The following CNTNAP2 variants were observed in gnomAD, a reference collection of about 807,000 sequenced individuals.
CNTNAP2 encodes contactin-associated protein-like 2.
A neutral mutation model predicts 155.2 loss-of-function variants in CNTNAP2; 98 were observed. The observed-to-expected ratio is 0.63, with a 90% CI of 0.54 to 0.75. CNTNAP2 has a LOEUF of 0.75. Among genes scored for constraint, CNTNAP2 ranks in the 30% least tolerant of loss-of-function variants. The pLI is 0.00. For missense variants in CNTNAP2, 1,727 were observed against 1,688.1 expected (o/e 1.02, Z -0.40); for synonymous variants, 651 against 631.2 (o/e 1.03, Z -0.47).
chr7:148,171,588 T>C (rs57068192), intron 17 of CNTNAP2, among the ~76,000 whole-genome samples: 53,919 of 151,956 alleles, frequency 0.35, 10,177 homozygotes, highest in African/African-American at 0.48. Flanking sequence ...TGAACGTGCT[T>C]ATTGTGCTAT....
At chr7:147,400,927 C>A (rs1796902837) in intron 10 of CNTNAP2, among the ~76,000 whole-genome samples, 1 of 152,110 alleles carries the variant, frequency 6.6e-6, no homozygotes, top group Non-Finnish European at 1.5e-5. Context: ...TTCCCTAGTC[C>A]CCACTTCTAA....
At chr7:146,752,574 T>C (rs1162688290) in intron 1 of CNTNAP2, among the ~76,000 whole-genome samples, 4 of 152,202 alleles carry the variant, frequency 2.6e-5, no homozygotes, top group Non-Finnish European at 5.9e-5. Flanking sequence ...AGGTTGCTGA[T>C]TCACTCTGAT....
intron 13 of CNTNAP2, among the ~76,000 whole-genome samples, chr7:147,772,413 A>G (rs2116537837): frequency 7.3e-6 from 1 of 137,068 alleles, no homozygotes; most frequent in South Asian, 2.3e-4. Flanking sequence ...AAAAAAATAT[A>G]TATATATAAT....
intron 3 of CNTNAP2, among the ~76,000 whole-genome samples, chr7:146,992,422 C>T (rs555336060): frequency 6.6e-6 from 1 of 152,238 alleles, no homozygotes; most frequent in East Asian, 1.9e-4. Context: ...ATTAGGCTCA[C>T]AGACACTTTG....
At chr7:148,295,344 A>C (rs1320102503) in intron 21 of CNTNAP2, among the ~76,000 whole-genome samples, 1 of 152,118 alleles carries the variant, frequency 6.6e-6, no homozygotes, top group Non-Finnish European at 1.5e-5. Flanking sequence ...TCTATCTTGA[A>C]CTAAGGTTTT....
At chr7:147,457,361 T>A (rs1797933839) in intron 10 of CNTNAP2, among the ~76,000 whole-genome samples, 1 of 152,162 alleles carries the variant, frequency 6.6e-6, no homozygotes, top group Non-Finnish European at 1.5e-5. Flanking sequence ...TTTGCAGTTG[T>A]AACGCTCAGC....
At chr7:148,076,422 CTTTTTTTTTTT>C (rs771048326) in intron 15 of CNTNAP2, among the ~76,000 whole-genome samples, 4 of 49,802 alleles carry the variant, frequency 8.0e-5, no homozygotes, top group Non-Finnish European at 1.0e-4. Flanking sequence ...GCTCTGACTT[CTTTTTTTTTTT>C]TTTTTTTTTT....
At chr7:146,847,032 A>T (rs917983627) in intron 3 of CNTNAP2, among the ~76,000 whole-genome samples, 3 of 151,862 alleles carry the variant, frequency 2.0e-5, no homozygotes. Flanking sequence ...CTCAATGCTA[A>T]TTTTTTTTAC....
chr7:146,372,077 G>A (rs1314584164), intron 1 of CNTNAP2, among the ~76,000 whole-genome samples: 2 of 152,122 alleles, frequency 1.3e-5, no homozygotes, highest in African/African-American at 2.4e-5. Context: ...TTACAAAATA[G>A]GACAATGAAG....
intron 17 of CNTNAP2, among the ~76,000 whole-genome samples, chr7:148,169,377 G>T (rs576819067): frequency 1.3e-5 from 2 of 152,256 alleles, no homozygotes; most frequent in African/African-American, 4.8e-5. Flanking sequence ...CTTCTTAGAA[G>T]AAAACATATT....
intron 1 of CNTNAP2, among the ~76,000 whole-genome samples, chr7:146,610,188 G>T (rs1238530404): frequency 6.6e-6 from 1 of 152,162 alleles, no homozygotes; most frequent in Non-Finnish European, 1.5e-5. Context: ...TTACAAACAT[G>T]TAAACCTGTG....
chr7:146,918,630 A>C (rs916392744), intron 3 of CNTNAP2, among the ~76,000 whole-genome samples: 1 of 152,098 alleles, frequency 6.6e-6, no homozygotes, highest in Non-Finnish European at 1.5e-5. Flanking sequence ...TTTATCTTGA[A>C]TTTAGATAAC....
At chr7:147,212,876 A>T (rs1803187610) in intron 8 of CNTNAP2, among the ~76,000 whole-genome samples, 2 of 152,200 alleles carry the variant, frequency 1.3e-5, no homozygotes, top group Non-Finnish European at 2.9e-5. Flanking sequence ...GTTAACTTAC[A>T]CTAAAATATA....
At chr7:147,645,343 C>A (rs374920045) in intron 13 of CNTNAP2, among the ~76,000 whole-genome samples, 2 of 152,004 alleles carry the variant, frequency 1.3e-5, no homozygotes. Context: ...ACTCTTAAGA[C>A]GACATGGATA....
chr7:147,804,385 C>T (rs1031230852), intron 13 of CNTNAP2, among the ~76,000 whole-genome samples: 1 of 152,148 alleles, frequency 6.6e-6, no homozygotes, highest in Non-Finnish European at 1.5e-5. Flanking sequence ...CTCCCTGGTG[C>T]TCTTCTGGGC....
At chr7:146,403,764 C>G (rs62503487) in intron 1 of CNTNAP2, among the ~76,000 whole-genome samples, 6,736 of 152,078 alleles carry the variant, frequency 0.044, 192 homozygotes, top group Non-Finnish European at 0.07. Context: ...TATTAAAAAC[C>G]TCTCCAAACA....
chr7:146,552,530 G>T (rs997164896), intron 1 of CNTNAP2, among the ~76,000 whole-genome samples: 2 of 151,934 alleles, frequency 1.3e-5, no homozygotes, highest in Non-Finnish European at 2.9e-5. Context: ...TCCTGTTTTT[G>T]CTCCTACCCA....
chr7:147,046,961 G>T (rs1375110417), intron 4 of CNTNAP2, among the ~76,000 whole-genome samples: 1 of 149,178 alleles, frequency 6.7e-6, no homozygotes, highest in Non-Finnish European at 1.5e-5. Flanking sequence ...GAACCCGGGA[G>T]GTGGAGCTTG....
At chr7:146,934,795 A>T (rs997058414) in intron 3 of CNTNAP2, among the ~76,000 whole-genome samples, 1 of 152,144 alleles carries the variant, frequency 6.6e-6, no homozygotes, top group Non-Finnish European at 1.5e-5. Flanking sequence ...ATATATAATC[A>T]GTTACTTCCA....
Sources: gnomAD v4.1 joint callset for allele counts (sites outside exome capture counted in the v4.1 genomes callset) on GRCh38, gnomAD v4.1.1 for gene constraint, MANE v1.5 for transcripts, NCBI Gene and HGNC (gene_info 2026-07-23, HGNC 2026-07-21) for gene names.